The following CITED2 variants were observed in gnomAD, a reference collection of about 807,000 sequenced individuals.
CITED2 encodes cbp/p300-interacting transactivator 2.
Under a neutral mutation model 11.8 loss-of-function variants are expected in CITED2, and 2 were observed. The ratio of observed to expected loss-of-function variants is 0.17; its 90% CI spans 0.07 to 0.54. CITED2 has a LOEUF of 0.54. Among genes scored for constraint, CITED2 ranks in the 20% least tolerant of loss-of-function variants. The pLI, the probability that CITED2 is intolerant of heterozygous loss-of-function variation, is 0.94. For synonymous variants in CITED2, 210 were observed against 153.0 expected, an observed-to-expected ratio of 1.37 and a Z score of -2.75; for missense variants, 437 against 390.2, an observed-to-expected ratio of 1.12 and a Z score of -1.01.
In CITED2 at chr6:139,373,401, T is replaced by TGCTGCCAGAGCC; in HGVS notation, c.532_543dup (p.Gly178_Ser181dup). ...CTGCTGCCCGCGCCGCCGCCCGAGCTGCTGCCAGAGCCGCCGGGGGTGCTG... is the reference window on the plus strand; with the variant it reads ...CTGCTGCCCGCGCCGCCGCCCGAGCTGCTGCCAGAGCCGCTGCCAGAGCCGCCGGGGGTGCTG... On this transcript the variant is annotated inframe_insertion, in exon 2 of 2. Coordinates refer to ENST00000367651, the MANE Select transcript of CITED2 (RefSeq NM_006079.5). 1.3e-6 allele frequency: 2 copies of TGCTGCCAGAGCC among 1,567,446 alleles called. No individual in the cohort carries two copies. Among genetic ancestry groups the TGCTGCCAGAGCC allele is most frequent in the Non-Finnish European group, 1.7e-6 (2 of 1,160,280 alleles).
rs1349462378 is a variant in CITED2 at position 139,372,649 on chromosome 6, TA to T, written c.*482del. ...ATTAGTCTGTACTCAAATGCATAGT[TA>T]AAAAAATGAAGCGAGATGGCAGTTT... is the stretch of plus-strand genomic sequence containing the variant. On this transcript the variant is annotated 3_prime_UTR_variant, in exon 2 of 2. Transcript: ENST00000367651. 1.0e-5 allele frequency: 2 copies of T among 196,816 alleles called. No homozygotes were observed. Among genetic ancestry groups the T allele is most frequent in the East Asian group, 1.2e-4 (1 of 8,294 alleles). 12.2% of individuals were successfully genotyped at this position (196,816 alleles called of 1,614,324 possible). A position where few individuals can be genotyped will look rare whatever the true frequency, so the allele number is the denominator to read the frequency against.
chr6:139,374,469 A>G lies in CITED2; in HGVS notation c.-65T>C. The G allele has an allele frequency of 3.0e-6, 1 of 335,572 alleles. No individual in the cohort carries two copies. The highest frequency in any genetic ancestry group is 5.5e-6 in the Non-Finnish European group (1 of 181,610). 20.8% of individuals were successfully genotyped at this position (335,572 alleles called of 1,614,324 possible). ...CGAGGGCGGGCTCGTCGCGTCCAGG[A>G]CCGGCTCAGCAGCACATAGAGGGGA... On this transcript the variant is annotated 5_prime_UTR_variant, in exon 1 of 2. Transcript: ENST00000367651.
Position 139,372,944 on chromosome 6 carries a change from A to T in CITED2, c.*188T>A, listed in dbSNP as rs1039389542. Reference sequence around the variant, plus strand: ...GTCAAGGCTACAAAAACGAAACAAAAACAGGAAAAAAAAGTGGCAGCAATT... The same window carrying T: ...GTCAAGGCTACAAAAACGAAACAAATACAGGAAAAAAAAGTGGCAGCAATT... On this transcript the variant is annotated 3_prime_UTR_variant, in exon 2 of 2. Transcript: ENST00000367651. The T allele has an allele frequency of 1.2e-5, 8 of 648,488 alleles. No homozygotes were observed. In the Admixed American group the frequency reaches 1.8e-4, roughly 15 times the overall value. The allele number at this position is 648,488 out of a possible 1,614,324, so 40.2% of individuals were successfully genotyped here. A position where few individuals can be genotyped will look rare whatever the true frequency, so the allele number is the denominator to read the frequency against.
At position 139,374,424 on chromosome 6, in the gene CITED2, G is replaced by A; in HGVS notation, c.-20C>T. On this transcript the variant is annotated 5_prime_UTR_variant, in exon 1 of 2. Transcript: ENST00000367651. ...CCCGTCGCGCTTACCTTCCGTTTTT[G>A]CGATTTCTGCTCCGAAGACCGAGGG... 2.4e-6 allele frequency: 1 copy of A among 423,848 alleles called. No homozygotes were observed. The highest frequency in any genetic ancestry group is 5.8e-5 in the South Asian group (1 of 17,208). The allele number at this position is 423,848 out of a possible 1,614,324, so 26.3% of individuals were successfully genotyped here.
rs906534462 is a variant in CITED2 at position 139,374,266 on chromosome 6, C to A, written c.-9+147G>T. ...TGCCCCGTAGCCCTGCTGCGAACTT[C>A]AGGCATTAAATCAGCCCTCCTCATC... On this transcript the variant is annotated intron_variant, in intron 1 of 1. Coordinates refer to ENST00000367651, the MANE Select transcript of CITED2 (RefSeq NM_006079.5). 4.8e-6 allele frequency: 6 copies of A among 1,254,164 alleles called. No individual in the cohort carries two copies. In the African/African-American group the frequency reaches 7.6e-5, roughly 16 times the overall value. 77.7% of individuals were successfully genotyped at this position (1,254,164 alleles called of 1,614,324 possible).
rs1343650304 is a variant in CITED2, at chr6:139,372,474, G to C, written c.*658C>G. The C allele has an allele frequency of 7.5e-6, 1 of 133,130 alleles. No homozygotes were observed. The highest frequency in any genetic ancestry group is 1.6e-5 in the Non-Finnish European group (1 of 63,784). The allele number at this position is 133,130 out of a possible 1,614,324, so 8.2% of individuals were successfully genotyped here. ...AATCTGTGAAATGTTTGCCACTGAC[G>C]ACATTCCACACCCTATTATCATCTG... On this transcript the variant is annotated 3_prime_UTR_variant, in exon 2 of 2. Coordinates refer to ENST00000367651, the MANE Select transcript of CITED2 (RefSeq NM_006079.5).
chr6:139,374,113 G>A, intron 1 of CITED2, 161 bp from the exon 2 acceptor site: 2 of 1,497,250 alleles, frequency 1.3e-6, no homozygotes, highest in East Asian at 5.0e-5. Flanking sequence ...ACCCGGGCTA[G>A]CCACCACGGA....
Position 139,373,385 on chromosome 6 carries a change from G to A in CITED2, c.560C>T (p.Ala187Val), listed in dbSNP as rs1233372605. 2 of 1,572,268 alleles carry A rather than the reference G, an allele frequency of 1.3e-6. No individual in the cohort carries two copies. The highest frequency in any genetic ancestry group is 2.8e-5 in the African/African-American group (2 of 71,986). ...GGSGSSSGGG[A>V]GSSNSGGGSG... ...GCCGCCGCCGCTGTTGCTGCTGCCCGCGCCGCCGCCCGAGCTGCTGCCAGA... is the reference window on the plus strand; with the variant it reads ...GCCGCCGCCGCTGTTGCTGCTGCCCACGCCGCCGCCCGAGCTGCTGCCAGA... Residue 187 changes from alanine (A) to valine (V), a missense_variant, in exon 2 of 2, where the codon GCG (alanine) becomes GTG (valine). Coordinates refer to ENST00000367651, the MANE Select transcript of CITED2 (RefSeq NM_006079.5).
In CITED2 at chr6:139,373,162, G is replaced by A; in HGVS notation, c.783C>T (p.Cys261=). ...NEFDFMTDFV[C]KQQPSRVSC is the part of the protein sequence containing the mutation. ...AGCTCACTCTGCTGGGCTGCTGTTT[G>A]CACACGAAGTCCGTCATAAAATCAA... is the stretch of plus-strand genomic sequence containing the variant. Residue 261 remains cysteine (C), a synonymous_variant, in exon 2 of 2, where the codon TGC becomes TGT. Coordinates refer to ENST00000367651, the MANE Select transcript of CITED2 (RefSeq NM_006079.5). 1 of 1,614,224 alleles carries A rather than the reference G, an allele frequency of 6.2e-7. No individual in the cohort carries two copies. Among genetic ancestry groups the A allele is most frequent in the Non-Finnish European group, 8.5e-7 (1 of 1,180,040 alleles).
In CITED2 at chr6:139,373,373, T is replaced by C. The variant is rs1290038050; in HGVS notation, c.572A>G (p.Asn191Ser). The change falls in exon 2 of 2, where the codon AAC becomes AGC. Residue 191 changes from asparagine (N) to serine (S), a missense_variant. Asn to Ser is a conservative substitution (Grantham distance 46). Around this residue, in one of 3 missense-constraint regions of CITED2, gnomAD observed 396 missense variants for 325.2 expected, o/e 1.22. Transcript: ENST00000367651. The stretch of plus-strand genomic sequence containing the variant: ...GCCGCTGCCGCTGCCGCCGCCGCTG[T>C]TGCTGCTGCCCGCGCCGCCGCCCGA... ...SSSGGGAGSS[N>S]SGGGSGSGNM... 6.3e-7 allele frequency: 1 copy of C among 1,588,786 alleles called. No individual in the cohort carries two copies. Among genetic ancestry groups the C allele is most frequent in the African/African-American group, 1.4e-5 (1 of 72,824 alleles).
intron 1 of CITED2, 40 bp downstream of exon 1, chr6:139,374,373 G>A (rs1452366639): frequency 9.7e-6 from 5 of 515,738 alleles, no homozygotes; most frequent in Admixed American, 3.6e-5. Flanking sequence ...GGAGGACTGG[G>A]CTGGCAAGAG....
chr6:139,373,900 G>C lies in CITED2; in HGVS notation c.45C>G (p.Asp15Glu). 1.2e-6 allele frequency: 2 copies of C among 1,600,414 alleles called. No homozygotes were observed. The highest frequency in any genetic ancestry group is 1.7e-6 in the Non-Finnish European group (2 of 1,179,912). ...MMAMNHGRFP[D>E]GTNGLHHHPA... ...GGTGATGGTGCAGCCCATTGGTGCCGTCGGGGAAGCGCCCGTGGTTCATGG... is the reference window on the plus strand; with the variant it reads ...GGTGATGGTGCAGCCCATTGGTGCCCTCGGGGAAGCGCCCGTGGTTCATGG... The change falls in exon 2 of 2, where the codon GAC becomes GAG. Residue 15 changes from aspartate (D) to glutamate (E), a missense_variant. By Grantham distance (45) the Asp-to-Glu change is conservative (BLOSUM62 2). Transcript: ENST00000367651.
rs1195309686 is a variant in CITED2 at position 139,372,903 on chromosome 6, A to AG, written c.*228dup. ...GTTAGCTAGATATTTCAACTACATA[A>AG]GGGAGGTGGGTGAATGTCAAGGCTA... On this transcript the variant is annotated 3_prime_UTR_variant, in exon 2 of 2. Coordinates refer to ENST00000367651, the MANE Select transcript of CITED2 (RefSeq NM_006079.5). 8 of 587,522 alleles carry AG rather than the reference A, an allele frequency of 1.4e-5. No individual in the cohort carries two copies. The African/African-American group carries it at 1.5e-4, about 11-fold the overall frequency. 36.4% of individuals were successfully genotyped at this position (587,522 alleles called of 1,614,324 possible).
rs1411954704 is a variant in CITED2, at chr6:139,373,257, A to T, written c.688T>A (p.Ser230Thr). The change falls in exon 2 of 2, where the codon TCC becomes ACC. Residue 230 changes from serine to threonine, a missense_variant. Ser to Thr is a moderately conservative substitution (Grantham distance 58). Around this residue, in one of 3 missense-constraint regions of CITED2, gnomAD observed 20 missense variants for 44.5 expected, o/e 0.45. Transcript: ENST00000367651. ...TCCAAACCCATTTCTATCACCAAGG[A>T]CATAAGAACTTCCTCGTCGATGAAA... Reference protein sequence around the residue: ...TDFIDEEVLMSLVIEMGLDRI... With the variant: ...TDFIDEEVLMTLVIEMGLDRI... 1.9e-6 allele frequency: 3 copies of T among 1,614,180 alleles called. No individual in the cohort carries two copies. Among genetic ancestry groups the T allele is most frequent in the Non-Finnish European group, 2.5e-6 (3 of 1,180,042 alleles).
At position 139,373,677 on chromosome 6, in the gene CITED2, CG is replaced by C; in HGVS notation, c.267del (p.Ala90ArgfsTer57). On this transcript the variant is annotated frameshift_variant, in exon 2 of 2. Coordinates refer to ENST00000367651, the MANE Select transcript of CITED2 (RefSeq NM_006079.5). LOFTEE classifies it high-confidence loss of function. ...AACTGGGAGTTGTTAAACCTGGCCG[CG>C]GGGGCCAGCGCGCTCGGGGGGTGCC... ...NGGHPPSALA[P>X]AARFNNSQFM... 6.2e-7 allele frequency: 1 copy of C among 1,611,834 alleles called. No homozygotes were observed.
Position 139,373,365 on chromosome 6 carries a change from CGCCGCT to C in CITED2, c.574_579del (p.Ser192_Gly193del), listed in dbSNP as rs751501072. On this transcript the variant is annotated inframe_deletion, in exon 2 of 2. Transcript: ENST00000367651. Reference sequence around the variant, plus strand: ...GGCATGTTGCCGCTGCCGCTGCCGCCGCCGCTGTTGCTGCTGCCCGCGCCGCCGCCC... The same window carrying C: ...GGCATGTTGCCGCTGCCGCTGCCGCCGTTGCTGCTGCCCGCGCCGCCGCCC... The C allele has an allele frequency of 1.7e-4, 276 of 1,583,402 alleles. 3 individuals carry two copies. In the East Asian group the frequency reaches 3.5e-3, roughly 20 times the overall value.
At chr6:139,374,320 C>A in intron 1 of CITED2, 93 bp downstream of exon 1, 1 of 701,152 alleles carries the variant, frequency 1.4e-6, no homozygotes, top group Non-Finnish European at 2.2e-6. Flanking sequence ...TTGTTATTCC[C>A]CAGCTTCGCC....
chr6:139,373,968 GC>G lies in CITED2; in HGVS notation c.-8-17del. On this transcript the variant is annotated splice_polypyrimidine_tract_variant and intron_variant, in intron 1 of 1. Transcript: ENST00000367651. ...ATTTCCAGTCCTGGAAGTGAAAAGG[GC>G]AGATAATGAGACCCGCGCCACACGT... 6.3e-7 allele frequency: 1 copy of G among 1,592,878 alleles called. No homozygotes were observed. Among genetic ancestry groups the G allele is most frequent in the Admixed American group, 1.7e-5 (1 of 59,262 alleles).
At chr6:139,374,108 G>T (rs1452276378) in intron 1 of CITED2, 156 bp from the exon 2 acceptor site, 2 of 1,500,772 alleles carry the variant, frequency 1.3e-6, no homozygotes, top group East Asian at 2.5e-5. Context: ...TGTGCACCCG[G>T]GCTAGCCACC....
Sources: allele counts gnomAD v4.1 joint callset, GRCh38; gene constraint gnomAD v4.1.1; regional missense constraint gnomAD v4.1.1; transcripts MANE v1.5; gene names NCBI Gene and HGNC (gene_info 2026-07-23, HGNC 2026-07-21).